The following FRMD4A variants were observed in gnomAD, a reference collection of about 807,000 sequenced individuals.
FRMD4A encodes the protein FERM domain containing 4A, also known as FERM domain-containing protein 4A.
FRMD4A carries 29 observed loss-of-function variants against 129.1 expected under a neutral mutation model. The ratio of observed to expected loss-of-function variants is 0.22; its 90% CI spans 0.17 to 0.31. FRMD4A has a LOEUF of 0.31. FRMD4A is among the 10% of genes least tolerant of loss of function. The pLI, the probability that FRMD4A is intolerant of heterozygous loss-of-function variation, is 1.00. For missense variants in FRMD4A, 1,272 were observed against 1,375.8 expected (o/e 0.92, Z 1.19); for synonymous variants, 634 against 571.6 (o/e 1.11, Z -1.56).
intron 2 of FRMD4A, among the ~76,000 whole-genome samples, chr10:14,121,633 C>T (rs36083439): frequency 0.5 from 75,783 of 151,976 alleles, 19,229 homozygotes; most frequent in East Asian, 0.6. Flanking sequence ...TCCCAGAAGG[C>T]TGGTCTCAAA....
rs148994750 is a variant in FRMD4A at position 14,128,519 on chromosome 10, C to T, written c.45+201539G>A. On this transcript the variant is annotated intron_variant, in intron 2 of 24. Coordinates refer to ENST00000357447, the MANE Select transcript of FRMD4A (RefSeq NM_018027.5). The stretch of plus-strand genomic sequence containing the variant: ...ATAGCCATATTTCAAGAGTCCTGGG[C>T]GCTCAAATCTGATGCAAAATTTGCC... Among the ~76,000 whole-genome samples the T allele has an allele frequency of 1.8e-3, 272 of 152,264 alleles. 1 individual carries two copies. The highest frequency in any genetic ancestry group is 3.2e-3 in the Non-Finnish European group (217 of 68,008).
Position 13,656,734 on chromosome 10 carries a change from G to A in FRMD4A, c.2855C>T (p.Ser952Phe). The A allele has an allele frequency of 3.1e-6, 5 of 1,597,094 alleles. No individual in the cohort carries two copies. The highest frequency in any genetic ancestry group is 4.3e-6 in the Non-Finnish European group (5 of 1,172,842). ...HSRLSHTSST[S>F]SDSGSQYSTS... ...GCTGTACTGCGAGCCGCTGTCCGAG[G>A]AGGTGGAGCTGGTGTGCGACAGGCG... The change falls in exon 22 of 25, where the codon TCC (serine) becomes TTC (phenylalanine). Residue 952 changes from serine to phenylalanine, a missense_variant. Coordinates refer to ENST00000357447, the MANE Select transcript of FRMD4A (RefSeq NM_018027.5).
chr10:13,795,187 C>T (rs1026559751), intron 5 of FRMD4A, among the ~76,000 whole-genome samples: 3 of 152,210 alleles, frequency 2.0e-5, no homozygotes, highest in African/African-American at 7.2e-5. Context: ...AACTGGAGTC[C>T]TGCCTGATAC....
intron 2 of FRMD4A, among the ~76,000 whole-genome samples, chr10:14,206,302 A>G (rs891558084): frequency 2.6e-5 from 4 of 152,260 alleles, no homozygotes; most frequent in Middle Eastern, 3.4e-3. Context: ...AAGTTGGGGG[A>G]AAAACTAATT....
rs1019678690 is a variant in FRMD4A at position 13,657,468 on chromosome 10, G to A, written c.2121C>T (p.His707=). The A allele has an allele frequency of 6.2e-7, 1 of 1,610,856 alleles. No homozygotes were observed. Among genetic ancestry groups the A allele is most frequent in the African/African-American group, 1.3e-5 (1 of 74,904 alleles). The stretch of plus-strand genomic sequence containing the variant: ...CCTGGGACTCCAGGCTGGAGCTCCG[G>A]TGCCTAAAGTGCAGTGCGAGGCTGT... ...RLHSLALHFR[H]RSSSLESQGK... The change falls in exon 22 of 25, where the codon CAC becomes CAT. Residue 707 remains histidine (H), a synonymous_variant. Coordinates refer to ENST00000357447, the MANE Select transcript of FRMD4A (RefSeq NM_018027.5).
chr10:14,039,141 C>A (rs907806223), intron 2 of FRMD4A, among the ~76,000 whole-genome samples: 1 of 152,070 alleles, frequency 6.6e-6, no homozygotes, highest in Non-Finnish European at 1.5e-5. Flanking sequence ...AAGCATCGGG[C>A]TATTGATACT....
intron 2 of FRMD4A, among the ~76,000 whole-genome samples, chr10:14,224,782 A>G (rs1843381020): frequency 6.6e-6 from 1 of 152,176 alleles, no homozygotes; most frequent in Non-Finnish European, 1.5e-5. Flanking sequence ...GAATTGACTA[A>G]TTTCATTTCA....
chr10:13,858,260 C>T (rs1410838286), intron 3 of FRMD4A, among the ~76,000 whole-genome samples: 1 of 152,100 alleles, frequency 6.6e-6, no homozygotes, highest in Non-Finnish European at 1.5e-5. Flanking sequence ...ATGGAGAAAC[C>T]CCGTCTCAAC....
intron 2 of FRMD4A, among the ~76,000 whole-genome samples, chr10:13,968,851 A>T (rs2131377822): frequency 6.6e-6 from 1 of 151,408 alleles, no homozygotes; most frequent in East Asian, 1.9e-4. Flanking sequence ...TTTTTTTTTG[A>T]GGGGGGAGTG....
At chr10:14,086,308 G>A (rs1467788934) in intron 2 of FRMD4A, among the ~76,000 whole-genome samples, 1 of 152,186 alleles carries the variant, frequency 6.6e-6, no homozygotes, top group East Asian at 1.9e-4. Context: ...GACTGAACAT[G>A]TAATTAATTT....
chr10:13,699,337 A>G (rs535154922), intron 14 of FRMD4A, among the ~76,000 whole-genome samples: 2 of 145,126 alleles, frequency 1.4e-5, no homozygotes, highest in East Asian at 4.2e-4. Context: ...TCGGCTTCCC[A>G]AAGTACTGAG....
At chr10:13,685,668 G>A in intron 15 of FRMD4A, 2 of 982,768 alleles carry the variant, frequency 2.0e-6, no homozygotes, top group East Asian at 1.1e-4. Context: ...TCTCTTTTTA[G>A]TATTTAAAAT....
At chr10:14,307,275 A>G (rs2132099370) in intron 2 of FRMD4A, among the ~76,000 whole-genome samples, 1 of 152,374 alleles carries the variant, frequency 6.6e-6, no homozygotes, top group South Asian at 2.1e-4. Context: ...TCGGCACTGC[A>G]GGAAGGCTCA....
At chr10:13,699,498 G>C (rs762169414) in intron 14 of FRMD4A, among the ~76,000 whole-genome samples, 3 of 152,158 alleles carry the variant, frequency 2.0e-5, no homozygotes, top group Non-Finnish European at 2.9e-5. Context: ...AAAGCCATAA[G>C]AACAAGTTTC....
intron 2 of FRMD4A, among the ~76,000 whole-genome samples, chr10:14,203,786 C>T (rs1032755618): frequency 2.0e-5 from 3 of 152,162 alleles, no homozygotes; most frequent in African/African-American, 7.2e-5. Flanking sequence ...GACTTGCTAT[C>T]CGATTAGAAC....
intron 2 of FRMD4A, among the ~76,000 whole-genome samples, chr10:14,280,557 CA>C (rs1285610703): frequency 2.6e-5 from 4 of 152,146 alleles, no homozygotes; most frequent in African/African-American, 7.2e-5. Flanking sequence ...TAAATACAAT[CA>C]TCATTCTCAA....
intron 2 of FRMD4A, among the ~76,000 whole-genome samples, chr10:13,904,992 C>A (rs867441359): frequency 8.0e-4 from 88 of 109,368 alleles, no homozygotes; most frequent in South Asian, 1.8e-3. Flanking sequence ...GACTCTATCT[C>A]AAAAAAAAAA....
At chr10:14,106,827 C>G (rs1441724619) in intron 2 of FRMD4A, among the ~76,000 whole-genome samples, 1 of 151,504 alleles carries the variant, frequency 6.6e-6, no homozygotes, top group Non-Finnish European at 1.5e-5. Flanking sequence ...TAAAATCGAG[C>G]TACCGTTTGA....
Position 13,660,895 on chromosome 10 carries a change from T to C in FRMD4A, c.1661-342A>G, listed in dbSNP as rs190023317. On this transcript the variant is annotated intron_variant, in intron 19 of 24. Transcript: ENST00000357447. ...CAGCAAAATGTAGTTACTGCTGTAGTGCTAAGTTGTCTTTCAACAGATGCT... is the reference window on the plus strand; with the variant it reads ...CAGCAAAATGTAGTTACTGCTGTAGCGCTAAGTTGTCTTTCAACAGATGCT... Among the ~76,000 whole-genome samples, 3 of 152,282 alleles carry C rather than the reference T, an allele frequency of 2.0e-5. No individual in the cohort carries two copies. The East Asian group carries it at 5.8e-4, about 29-fold the overall frequency.
Sources: allele counts gnomAD v4.1 joint callset (sites outside exome capture counted in the v4.1 genomes callset), GRCh38; gene constraint gnomAD v4.1.1; transcripts MANE v1.5; gene names NCBI Gene and HGNC (gene_info 2026-07-23, HGNC 2026-07-21).